Variants in LIN54 observed in about 807,000 individuals in gnomAD.
LIN54 encodes protein lin-54 homolog.
LIN54 carries 9 observed loss-of-function variants against 78.7 expected under a neutral mutation model. The observed-to-expected ratio is 0.11, with a 90% CI of 0.07 to 0.20. The LOEUF (loss-of-function observed/expected upper bound fraction) is 0.20, where lower values mean the gene tolerates loss of function less well. LIN54 is among the 10% of genes least tolerant of loss of function. LIN54 has a pLI of 1.00. For missense variants in LIN54, 573 were observed against 889.9 expected (o/e 0.64, Z 4.53); for synonymous variants, 269 against 318.4 (o/e 0.84, Z 1.65).
At chr4:82,990,136 C>T (rs548395999) in intron 1 of LIN54, among the ~76,000 whole-genome samples, 1 of 152,304 alleles carries the variant, frequency 6.6e-6, no homozygotes, top group East Asian at 1.9e-4. Context: ...TAACCTAGCC[C>T]AAGAGGCCCT....
chr4:82,951,854 TGA>T (rs920297518), intron 4 of LIN54, among the ~76,000 whole-genome samples: 1 of 152,080 alleles, frequency 6.6e-6, no homozygotes, highest in Non-Finnish European at 1.5e-5. Context: ...ACAAGGGTGC[TGA>T]GATAGTTCAA....
At chr4:82,962,751 T>C (rs1363006962) in intron 4 of LIN54, among the ~76,000 whole-genome samples, 2 of 150,444 alleles carry the variant, frequency 1.3e-5, no homozygotes, top group Non-Finnish European at 3.0e-5. Context: ...AAATAATCAA[T>C]AAATTTAAAG....
chr4:82,928,365 C>T (rs1721660100), intron 12 of LIN54, 62 bp from the exon 13 acceptor site: 1 of 1,277,388 alleles, frequency 7.8e-7, no homozygotes, highest in Non-Finnish European at 1.1e-6. Context: ...AAGTGGATAA[C>T]ATTCTTTCAT....
At position 82,984,784 on chromosome 4, in the gene LIN54, T is replaced by C. The variant is rs997661241; in HGVS notation, c.61A>G (p.Ile21Val). 9 of 1,613,930 alleles carry C rather than the reference T, an allele frequency of 5.6e-6. No homozygotes were observed. The highest frequency in any genetic ancestry group is 6.8e-6 in the Non-Finnish European group (8 of 1,179,926). Residue 21 changes from isoleucine (I) to valine (V), a missense_variant, in exon 2 of 13, where the codon ATA (isoleucine) becomes GTA (valine). Around this residue, in one of 6 missense-constraint regions of LIN54, gnomAD observed 183 missense variants for 228.4 expected, o/e 0.80. Transcript: ENST00000340417. ...ATACTATCATCATCCACTAAAGTTA[T>C]ACCAGTGTCCATTATTTCCTCTGGA... The part of the protein sequence containing the change: ...LLPEEIMDTG[I>V]TLVDDDSIEA...
chr4:83,005,870 T>G (rs570063921), intron 1 of LIN54, among the ~76,000 whole-genome samples: 92 of 151,996 alleles, frequency 6.1e-4, no homozygotes, highest in African/African-American at 2.2e-3. Flanking sequence ...AGCAAAGACA[T>G]GGAAACAAGC....
intron 3 of LIN54, among the ~76,000 whole-genome samples, chr4:82,972,702 G>C (rs1725762456): frequency 6.6e-6 from 1 of 152,134 alleles, no homozygotes; most frequent in African/African-American, 2.4e-5. Flanking sequence ...TTCATATAGA[G>C]CTGGACACAG....
At chr4:82,948,783 C>T (rs1311204546) in intron 4 of LIN54, among the ~76,000 whole-genome samples, 1 of 152,124 alleles carries the variant, frequency 6.6e-6, no homozygotes, top group African/African-American at 2.4e-5. Context: ...TGAGATCACA[C>T]AATATTTTTC....
At chr4:83,012,647 C>A (rs1729925627), upstream of LIN54, 1 of 152,046 alleles carries the variant, frequency 6.6e-6, no homozygotes, top group Admixed American at 6.5e-5. Flanking sequence ...CTGGCGGGTT[C>A]CCGCTCCCCG....
intron 12 of LIN54, among the ~76,000 whole-genome samples, chr4:82,929,694 T>C (rs1721786292): frequency 6.6e-6 from 1 of 151,762 alleles, no homozygotes; most frequent in Non-Finnish European, 1.5e-5. Context: ...TAATCCCAGC[T>C]ACTTAGGAGG....
In LIN54 at chr4:82,939,614, T is replaced by C. The variant is rs1428036938; in HGVS notation, c.1365A>G (p.Pro455=). The part of the protein sequence containing the change: ...QIQPNLTNLP[P]GTVLAPAPGT... ...CCGGAGCTGGTGCCAGGACAGTGCC[T>C]GGTGGCAGGTTAGTGAGGTTGGGCT... The change falls in exon 7 of 13, where the codon CCA becomes CCG. Residue 455 remains proline (P), a synonymous_variant. Coordinates refer to ENST00000340417, the MANE Select transcript of LIN54 (RefSeq NM_194282.4). 1 of 1,614,228 alleles carries C rather than the reference T, an allele frequency of 6.2e-7. No homozygotes were observed.
intron 8 of LIN54, 53 bp from the exon 9 acceptor site, chr4:82,937,351 T>A (rs546217899): frequency 1.2e-5 from 13 of 1,109,418 alleles, no homozygotes; most frequent in Admixed American, 2.6e-5. Context: ...GTAACTAAAA[T>A]TAATTTAGTT....
chr4:82,954,663 G>A (rs914172132), intron 4 of LIN54, among the ~76,000 whole-genome samples: 6 of 152,028 alleles, frequency 3.9e-5, no homozygotes, highest in Non-Finnish European at 7.4e-5. Flanking sequence ...AGTTAAATTG[G>A]CAAAGACTGA....
rs572566419 is a variant in LIN54, at chr4:82,993,507, C to T, written c.-32-8631G>A. Among the ~76,000 whole-genome samples the T allele has an allele frequency of 8.6e-5, 13 of 151,556 alleles. 1 individual carries two copies. In the East Asian group the frequency reaches 1.8e-3, roughly 21 times the overall value. On this transcript the variant is annotated intron_variant, in intron 1 of 12. Transcript: ENST00000340417. ...TGCTGGGATCACAGCGGTGAGCCAC[C>T]GCGCCCGGCTAGAATCTTAAGATGG...
chr4:82,941,755 T>C (rs1287028228), intron 5 of LIN54, among the ~76,000 whole-genome samples: 1 of 152,154 alleles, frequency 6.6e-6, no homozygotes, highest in Non-Finnish European at 1.5e-5. Flanking sequence ...ACTGTAGGTA[T>C]AAGCGAAGAA....
chr4:82,949,100 C>T (rs1386531860), intron 4 of LIN54, among the ~76,000 whole-genome samples: 1 of 152,114 alleles, frequency 6.6e-6, no homozygotes, highest in African/African-American at 2.4e-5. Flanking sequence ...CACTGTTTTC[C>T]ATAATGGCTG....
intron 1 of LIN54, among the ~76,000 whole-genome samples, chr4:83,005,810 T>C (rs1475138442): frequency 2.0e-5 from 3 of 152,116 alleles, no homozygotes; most frequent in East Asian, 1.9e-4. Flanking sequence ...CAAATGTTTA[T>C]GCCAGAAAGA....
intron 1 of LIN54, among the ~76,000 whole-genome samples, chr4:82,987,311 G>A (rs6843658): frequency 0.42 from 64,347 of 152,136 alleles, 16,815 homozygotes; most frequent in Admixed American, 0.58. Context: ...TTAAAAAGAT[G>A]CCACAGTTAA....
At chr4:83,011,985 A>C (rs34180226), upstream of LIN54, 175,761 of 971,176 alleles carry the variant, frequency 0.18, 16,644 homozygotes, top group South Asian at 0.31. Flanking sequence ...GTAAGGTTGA[A>C]GTTGAAGTTG....
At chr4:82,965,041 T>C (rs1257989689) in intron 4 of LIN54, among the ~76,000 whole-genome samples, 1 of 152,022 alleles carries the variant, frequency 6.6e-6, no homozygotes, top group African/African-American at 2.4e-5. Context: ...AAATTTTTTT[T>C]AAAGAAAAAT....
Sources: gnomAD v4.1 joint callset for allele counts (sites outside exome capture counted in the v4.1 genomes callset) on GRCh38, gnomAD v4.1.1 for gene constraint, gnomAD v4.1.1 regional missense constraint, MANE v1.5 for transcripts, NCBI Gene and HGNC (gene_info 2026-07-23, HGNC 2026-07-21) for gene names.